ZNF532: variants seen among roughly 807,000 people sequenced by gnomAD.
ZNF532 encodes zinc finger protein 532.
In ZNF532, 22 loss-of-function variants were observed where a neutral mutation model predicts 89.3. That is an observed-to-expected ratio of 0.25 (90% CI 0.18 to 0.35). ZNF532 has a LOEUF of 0.35. Ranked by LOEUF, ZNF532 falls within the 10% of genes least tolerant of loss-of-function variation. The pLI, the probability that ZNF532 is intolerant of heterozygous loss-of-function variation, is 1.00. For synonymous variants in ZNF532, 606 were observed against 649.6 expected, an observed-to-expected ratio of 0.93 and a Z score of 1.02; for missense variants, 1,132 against 1,643.4, an observed-to-expected ratio of 0.69 and a Z score of 5.38.
At chr18:58,894,858 A>C (rs1448685449) in intron 2 of ZNF532, among the ~76,000 whole-genome samples, 1 of 152,220 alleles carries the variant, frequency 6.6e-6, no homozygotes, top group African/African-American at 2.4e-5. Flanking sequence ...TGGGAGCTGG[A>C]CATGGTGGCC....
intron 3 of ZNF532, among the ~76,000 whole-genome samples, chr18:58,929,816 A>G (rs985271871): frequency 6.6e-6 from 1 of 152,222 alleles, no homozygotes; most frequent in Non-Finnish European, 1.5e-5. Flanking sequence ...ACTTCCATTT[A>G]AGTGAGATCT....
intron 2 of ZNF532, among the ~76,000 whole-genome samples, chr18:58,869,274 C>T (rs1489123037): frequency 1.3e-5 from 2 of 151,996 alleles, no homozygotes; most frequent in East Asian, 1.9e-4. Context: ...TAAGACTCGC[C>T]GAGAAAGAGA....
intron 2 of ZNF532, among the ~76,000 whole-genome samples, chr18:58,900,808 A>G (rs184567835): frequency 3.3e-5 from 5 of 152,236 alleles, no homozygotes; most frequent in African/African-American, 4.8e-5. Context: ...TACAGTCACC[A>G]CCAGTCAATT....
intron 6 of ZNF532, among the ~76,000 whole-genome samples, chr18:58,949,374 A>G (rs976163861): frequency 1.3e-5 from 2 of 152,178 alleles, no homozygotes; most frequent in Admixed American, 6.5e-5. Context: ...CAGGAACTCA[A>G]TCTCTTTCTT....
At chr18:58,911,758 G>A (rs2060298334) in intron 2 of ZNF532, among the ~76,000 whole-genome samples, 1 of 152,170 alleles carries the variant, frequency 6.6e-6, no homozygotes, top group Non-Finnish European at 1.5e-5. Context: ...AAATTGCAGT[G>A]CTAAATGACG....
intron 8 of ZNF532, chr18:58,980,213 GTGAGA>G (rs1293003194): frequency 6.6e-6 from 1 of 152,220 alleles, no homozygotes; most frequent in African/African-American, 2.4e-5. Context: ...AAGCTGTTTA[GTGAGA>G]TAAGAATGAT....
At chr18:58,888,449 G>A (rs1026876687) in intron 2 of ZNF532, among the ~76,000 whole-genome samples, 1 of 151,610 alleles carries the variant, frequency 6.6e-6, no homozygotes, top group Admixed American at 6.6e-5. Context: ...GCCAAGGTGG[G>A]TGGATCACCT....
intron 2 of ZNF532, 70 bp from the exon 3 acceptor site, chr18:58,918,201 G>A (rs927889770): frequency 7.3e-7 from 1 of 1,375,352 alleles, no homozygotes; most frequent in Non-Finnish European, 9.9e-7. Context: ...AGTGTGAATT[G>A]TATAGGGGTT....
In ZNF532 at chr18:58,876,502, G is replaced by C. The variant is rs557162219; in HGVS notation, c.-18+10923G>C. 2.2e-3 allele frequency among the ~76,000 whole-genome samples: 329 copies of C among 152,120 alleles called. 1 individual carries two copies. The highest frequency in any genetic ancestry group is 4.8e-3 in the Admixed American group (73 of 15,266). The stretch of plus-strand genomic sequence containing the variant: ...TGATGCTAGCAGGGAGCAGACATGG[G>C]GGCCAGGACTGTTTTTTTTGATCAC... On this transcript the variant is annotated intron_variant, in intron 2 of 9. Transcript: ENST00000591808.
chr18:58,902,042 A>G (rs2059636383), intron 2 of ZNF532, among the ~76,000 whole-genome samples: 1 of 151,996 alleles, frequency 6.6e-6, no homozygotes, highest in Non-Finnish European at 1.5e-5. Context: ...GTTCTCCTCC[A>G]GCTTCTCTTA....
At chr18:58,888,734 ATATATATT>A (rs2058521246) in intron 2 of ZNF532, among the ~76,000 whole-genome samples, 1 of 55,212 alleles carries the variant, frequency 1.8e-5, no homozygotes, top group African/African-American at 1.1e-4. Flanking sequence ...TAAATTATAT[ATATATATT>A]TTATATATAT....
intron 7 of ZNF532, among the ~76,000 whole-genome samples, chr18:58,962,655 T>C (rs562081228): frequency 1.0e-3 from 153 of 148,930 alleles, no homozygotes; most frequent in Middle Eastern, 3.6e-3. Flanking sequence ...CAGGCTGGAG[T>C]ACAGTGACGC....
Position 58,953,775 on chromosome 18 carries a change from C to T in ZNF532, c.3126C>T (p.Ser1042=), listed in dbSNP as rs776884333. The T allele has an allele frequency of 3.2e-5, 52 of 1,613,022 alleles. No individual in the cohort carries two copies. In the East Asian group the frequency reaches 4.0e-4, roughly 12 times the overall value. ...TCATGCAGAGAGATGTGTACATATC[C>T]CACGTGAGGAAGGAGCACGGGAAGG... is the stretch of plus-strand genomic sequence containing the variant. ...CLFMQRDVYI[S]HVRKEHGKQM... Residue 1042 remains serine (S), a synonymous_variant, in exon 7 of 10, where the codon TCC becomes TCT. Coordinates refer to ENST00000591808, the MANE Select transcript of ZNF532 (RefSeq NM_001375912.1).
chr18:58,940,381 A>T (rs1439329848), intron 5 of ZNF532: 1 of 152,192 alleles, frequency 6.6e-6, no homozygotes, highest in African/African-American at 2.4e-5. Context: ...CCTGATTAGT[A>T]AATTTTTTTT....
At chr18:58,887,918 A>G (rs1167864039) in intron 2 of ZNF532, among the ~76,000 whole-genome samples, 1 of 152,184 alleles carries the variant, frequency 6.6e-6, no homozygotes, top group African/African-American at 2.4e-5. Flanking sequence ...TAATATGCCA[A>G]TGGCTTTTCC....
intron 8 of ZNF532, chr18:58,980,051 C>G (rs1176284036): frequency 6.6e-6 from 1 of 152,130 alleles, no homozygotes; most frequent in Non-Finnish European, 1.5e-5. Context: ...GAGAGAGAGA[C>G]AAAGGACCCT....
At chr18:58,922,378 T>G (rs2061177619) in intron 3 of ZNF532, among the ~76,000 whole-genome samples, 1 of 152,220 alleles carries the variant, frequency 6.6e-6, no homozygotes, top group African/African-American at 2.4e-5. Flanking sequence ...AATACCCCGG[T>G]AATTTTTTTA....
intron 4 of ZNF532, among the ~76,000 whole-genome samples, chr18:58,938,133 C>G (rs972345871): frequency 6.6e-6 from 1 of 152,230 alleles, no homozygotes; most frequent in African/African-American, 2.4e-5. Flanking sequence ...ATAGAAGCAT[C>G]TTAGATTGTC....
chr18:58,943,990 A>G (rs2079678133), intron 5 of ZNF532, among the ~76,000 whole-genome samples: 1 of 152,224 alleles, frequency 6.6e-6, no homozygotes, highest in African/African-American at 2.4e-5. Flanking sequence ...AGGAGTATGG[A>G]GTCAGAGGAA....
Sources: allele counts gnomAD v4.1 joint callset (sites outside exome capture counted in the v4.1 genomes callset), GRCh38; gene constraint gnomAD v4.1.1; transcripts MANE v1.5; gene names NCBI Gene and HGNC (gene_info 2026-07-23, HGNC 2026-07-21).